Variants in STK32B observed in about 807,000 individuals in gnomAD.
STK32B encodes serine/threonine-protein kinase 32B.
In STK32B, 43 loss-of-function variants were observed where a neutral mutation model predicts 52.6. The observed-to-expected ratio is 0.82, with a 90% CI of 0.64 to 1.05. STK32B has a LOEUF of 1.05. STK32B is among the 50% of genes least tolerant of loss of function. The pLI, the probability that STK32B is intolerant of heterozygous loss-of-function variation, is 0.00. For synonymous variants in STK32B, 238 were observed against 204.3 expected, an observed-to-expected ratio of 1.17 and a Z score of -1.41; for missense variants, 621 against 534.6, an observed-to-expected ratio of 1.16 and a Z score of -1.59.
At chr4:5,289,907 T>C (rs1024452976) in intron 3 of STK32B, among the ~76,000 whole-genome samples, 2 of 151,986 alleles carry the variant, frequency 1.3e-5, no homozygotes, top group African/African-American at 4.8e-5. Context: ...AGGTTTGTTA[T>C]ATAGGTAAAT....
chr4:5,466,028 G>T (rs4688936), intron 9 of STK32B, among the ~76,000 whole-genome samples: 151,763 of 152,374 alleles, frequency 1, 75,581 homozygotes, highest in East Asian at 1. Flanking sequence ...CCCTGTGCGC[G>T]CCAAAGCTGC....
At chr4:5,300,027 GC>G (rs79880267) in intron 3 of STK32B, among the ~76,000 whole-genome samples, 20,846 of 151,990 alleles carry the variant, frequency 0.14, 2,850 homozygotes, top group African/African-American at 0.36. Context: ...AGACATACAT[GC>G]CAATATCCTC....
At chr4:5,445,943 A>C (rs1192984974) in intron 6 of STK32B, among the ~76,000 whole-genome samples, 1 of 11,784 alleles carries the variant, frequency 8.5e-5, no homozygotes, top group African/African-American at 4.1e-4. Flanking sequence ...TCCCTGAGAT[A>C]GGCCCCAGGC....
intron 11 of STK32B, 90 bp from the exon 12 acceptor site, chr4:5,498,855 C>T: frequency 6.8e-7 from 1 of 1,476,238 alleles, no homozygotes; most frequent in Non-Finnish European, 9.0e-7. Context: ...CTGAAGGCTC[C>T]ACAGTTGCCC....
At chr4:5,408,918 C>T (rs1466509298) in intron 5 of STK32B, among the ~76,000 whole-genome samples, 1 of 152,126 alleles carries the variant, frequency 6.6e-6, no homozygotes, top group Non-Finnish European at 1.5e-5. Flanking sequence ...GCTTCATTGC[C>T]CTCAAGAGAG....
intron 3 of STK32B, among the ~76,000 whole-genome samples, chr4:5,305,246 T>C (rs1279459516): frequency 6.6e-6 from 1 of 150,836 alleles, no homozygotes; most frequent in African/African-American, 2.5e-5. Context: ...TCTTTTGGAA[T>C]AGTGTCTCAG....
intron 6 of STK32B, among the ~76,000 whole-genome samples, chr4:5,444,624 C>T (rs549620464): frequency 1.1e-4 from 17 of 152,314 alleles, no homozygotes; most frequent in Admixed American, 7.8e-4. Context: ...CTTGGCTCCT[C>T]CCCCCGCCTT....
At chr4:5,478,673 G>A (rs767745462) in intron 11 of STK32B, among the ~76,000 whole-genome samples, 9 of 152,166 alleles carry the variant, frequency 5.9e-5, no homozygotes, top group East Asian at 1.9e-4. Context: ...ACAAAGAATC[G>A]TTTACATGGA....
intron 6 of STK32B, among the ~76,000 whole-genome samples, chr4:5,443,579 C>A (rs560279540): frequency 6.6e-6 from 1 of 152,128 alleles, no homozygotes; most frequent in Admixed American, 6.6e-5. Flanking sequence ...GTAATTTGAT[C>A]GTCTGAAGCC....
the STK32B span, among the ~76,000 whole-genome samples, chr4:5,023,012 T>A: frequency 6.6e-6 from 1 of 151,750 alleles, no homozygotes; most frequent in Non-Finnish European, 1.5e-5. Flanking sequence ...TGTGTGTGTG[T>A]GTGTGTGTAT....
chr4:5,158,691 T>C (rs910301913), intron 2 of STK32B, among the ~76,000 whole-genome samples: 3 of 152,106 alleles, frequency 2.0e-5, no homozygotes, highest in Non-Finnish European at 4.4e-5. Flanking sequence ...TTGGCGGGGT[T>C]GGATTCTTCC....
intron 5 of STK32B, among the ~76,000 whole-genome samples, chr4:5,402,852 A>T (rs1278153859): frequency 6.6e-6 from 1 of 152,178 alleles, no homozygotes; most frequent in Non-Finnish European, 1.5e-5. Context: ...CCAGGAGAGT[A>T]GTGCAGGAGG....
intron 11 of STK32B, among the ~76,000 whole-genome samples, chr4:5,484,385 GT>G (rs1433821801): frequency 3.3e-5 from 5 of 152,090 alleles, no homozygotes; most frequent in African/African-American, 1.2e-4. Flanking sequence ...TTTAAAGTCT[GT>G]TTTATCAGAG....
In STK32B at chr4:5,467,629, C is replaced by T. The variant is rs1450775108; in HGVS notation, c.1042-377C>T. On this transcript the variant is annotated intron_variant, in intron 10 of 11. Transcript: ENST00000282908. The surrounding 1 kb of genome is among the most constrained non-coding windows in gnomAD (Gnocchi z 5.8). ...ACCTTTCAGAGGACACAATTCAACA[C>T]ACAACACCCCCCTCCCCTATGCAAG... Among the ~76,000 whole-genome samples the T allele has an allele frequency of 6.6e-6, 1 of 152,144 alleles. No individual in the cohort carries two copies. The highest frequency in any genetic ancestry group is 1.9e-4 in the East Asian group (1 of 5,182).
intron 4 of STK32B, among the ~76,000 whole-genome samples, chr4:5,393,325 T>C (rs1359389486): frequency 6.6e-6 from 1 of 152,220 alleles, no homozygotes; most frequent in Non-Finnish European, 1.5e-5. Flanking sequence ...AACCATCTCA[T>C]CCAATCCTCA....
At chr4:5,194,936 C>T (rs148410957) in intron 3 of STK32B, among the ~76,000 whole-genome samples, 5 of 152,298 alleles carry the variant, frequency 3.3e-5, no homozygotes, top group Non-Finnish European at 5.9e-5. Context: ...CTAACCCATT[C>T]GTGAGAAGCT....
chr4:5,042,857 A>C, the STK32B span, among the ~76,000 whole-genome samples: 2 of 152,134 alleles, frequency 1.3e-5, no homozygotes, highest in Non-Finnish European at 2.9e-5. Flanking sequence ...CTGTAATCCC[A>C]GCACTTTGGG....
chr4:5,204,209 A>G (rs1391120348), intron 3 of STK32B: 1 of 152,164 alleles, frequency 6.6e-6, no homozygotes, highest in South Asian at 2.1e-4. Context: ...GTATTAATAG[A>G]TCTCTCGAGC....
chr4:5,306,590 A>C lies in STK32B; in HGVS notation c.261-24630A>C, dbSNP rs554692441. ...ATACTTGGTTGGTGAGTTCTTATCT[A>C]TTCTGCCATTCTGTATCTCTTAAAT... On this transcript the variant is annotated intron_variant, in intron 3 of 11. Transcript: ENST00000282908. 2.8e-4 allele frequency among the ~76,000 whole-genome samples: 42 copies of C among 152,262 alleles called. 1 individual carries two copies. The South Asian group carries it at 8.7e-3, about 32-fold the overall frequency.
Sources: gnomAD v4.1 joint callset for allele counts (sites outside exome capture counted in the v4.1 genomes callset) on GRCh38, gnomAD v4.1.1 for gene constraint, Gnocchi (gnomAD v3.1) non-coding constraint, MANE v1.5 for transcripts, NCBI Gene and HGNC (gene_info 2026-07-23, HGNC 2026-07-21) for gene names.